The following FAR2 variants were observed in gnomAD, a reference collection of about 807,000 sequenced individuals.
FAR2 encodes epididymis secretory protein Li 81.
In FAR2, 19 loss-of-function variants were observed where a neutral mutation model predicts 56.0. The ratio of observed to expected loss-of-function variants is 0.34; its 90% CI spans 0.24 to 0.50. The LOEUF is 0.50. Ranked by LOEUF, FAR2 falls within the 20% of genes least tolerant of loss-of-function variation. The pLI, the probability that FAR2 is intolerant of heterozygous loss-of-function variation, is 0.98. For missense variants in FAR2, 508 were observed against 642.2 expected (o/e 0.79, Z 2.26); for synonymous variants, 219 against 218.8 (o/e 1.00, Z -0.01).
intron 1 of FAR2, among the ~76,000 whole-genome samples, chr12:29,265,193 A>G (rs1229392313): frequency 2.6e-5 from 4 of 152,232 alleles, no homozygotes; most frequent in Non-Finnish European, 5.9e-5. Context: ...ATTTATATGG[A>G]ACCACAAAAG....
intron 1 of FAR2, among the ~76,000 whole-genome samples, chr12:29,208,233 C>A (rs780571332): frequency 2.0e-5 from 3 of 152,192 alleles, no homozygotes; most frequent in South Asian, 2.1e-4. Context: ...TGCTGCCCTT[C>A]TTCCTCTGAA....
At chr12:29,313,288 C>A (rs1367931119) in intron 8 of FAR2, among the ~76,000 whole-genome samples, 1 of 152,048 alleles carries the variant, frequency 6.6e-6, no homozygotes, top group African/African-American at 2.4e-5. Flanking sequence ...TTTGGTTATG[C>A]ACAGAACCAA....
chr12:29,275,179 C>T (rs946376665), intron 2 of FAR2, among the ~76,000 whole-genome samples: 13 of 151,468 alleles, frequency 8.6e-5, no homozygotes, highest in African/African-American at 3.1e-4. Flanking sequence ...CGAAGGGAGA[C>T]AGGGGTGGGG....
rs1165765896 is a variant in FAR2 at position 29,165,918 on chromosome 12, A to C, written c.-39+16511A>C. On this transcript the variant is annotated intron_variant, in intron 1 of 11. Coordinates refer to ENST00000536681, the MANE Select transcript of FAR2 (RefSeq NM_001271783.2). ...TCCTAGATGTTGTTGTATAGGAAAAACAGGAAGCAAATAAACACCTGGTAA... is the reference window on the plus strand; with the variant it reads ...TCCTAGATGTTGTTGTATAGGAAAACCAGGAAGCAAATAAACACCTGGTAA... Among the ~76,000 whole-genome samples the C allele has an allele frequency of 2.2e-4, 33 of 152,230 alleles. 1 individual carries two copies. The highest frequency in any genetic ancestry group is 2.2e-3 in the Admixed American group (33 of 15,288).
chr12:29,253,286 T>TATCTAGTTAG lies in FAR2; in HGVS notation c.-38-17124_-38-17123insCTAGTTAGAT, dbSNP rs1565489445. ...AGATAGATATCTATATATCGATATC[T>TATCTAGTTAG]ATATCTATCTAGATAGATATCTATA... On this transcript the variant is annotated intron_variant, in intron 1 of 11. Coordinates refer to ENST00000536681, the MANE Select transcript of FAR2 (RefSeq NM_001271783.2). 8.7e-5 allele frequency among the ~76,000 whole-genome samples: 7 copies of TATCTAGTTAG among 80,680 alleles called. 1 individual carries two copies. Among genetic ancestry groups the TATCTAGTTAG allele is most frequent in the African/African-American group, 2.7e-4 (5 of 18,268 alleles). The allele number at this position is 80,680 out of a possible 152,430, so 52.9% of individuals were successfully genotyped here. A position where few individuals can be genotyped will look rare whatever the true frequency, so the allele number is the denominator to read the frequency against.
intron 2 of FAR2, chr12:29,282,473 A>C (rs985503864): frequency 1.3e-5 from 2 of 152,188 alleles, no homozygotes; most frequent in African/African-American, 4.8e-5. Flanking sequence ...CTTATTCCTA[A>C]GTAGGGCCTG....
chr12:29,151,489 C>T (rs994548939), intron 1 of FAR2: 10 of 152,024 alleles, frequency 6.6e-5, no homozygotes, highest in East Asian at 1.9e-4. Flanking sequence ...AAACTGCAAC[C>T]GCACAGGGCC....
intron 3 of FAR2, among the ~76,000 whole-genome samples, chr12:29,293,943 CCT>C (rs1694291503): frequency 6.6e-6 from 1 of 152,008 alleles, no homozygotes; most frequent in African/African-American, 2.4e-5. Flanking sequence ...ATTTTTCACC[CCT>C]TTGTGTGCTC....
chr12:29,199,087 G>A (rs1007941964), intron 1 of FAR2, among the ~76,000 whole-genome samples: 3 of 152,164 alleles, frequency 2.0e-5, no homozygotes, highest in Non-Finnish European at 4.4e-5. Context: ...TGGTTGAGCT[G>A]GGCCTGTTAA....
chr12:29,286,111 T>TTTTGGAAATGGAG (rs774336880), intron 2 of FAR2, among the ~76,000 whole-genome samples: 2 of 151,776 alleles, frequency 1.3e-5, no homozygotes, highest in Non-Finnish European at 2.9e-5. Context: ...ACAACACAGC[T>TTTTGGAAATGGAG]TTCTGATCAG....
chr12:29,288,474 T>C (rs1056762012), intron 2 of FAR2, among the ~76,000 whole-genome samples: 5 of 152,324 alleles, frequency 3.3e-5, no homozygotes, highest in Admixed American at 6.5e-5. Flanking sequence ...TCTTTACTCA[T>C]TTTGATTTCA....
intron 2 of FAR2, among the ~76,000 whole-genome samples, chr12:29,292,639 G>A (rs1285609761): frequency 6.6e-6 from 1 of 152,138 alleles, no homozygotes; most frequent in Non-Finnish European, 1.5e-5. Flanking sequence ...GAGAAATCAT[G>A]TCTCATTTGT....
chr12:29,241,589 G>A (rs1948036238), intron 1 of FAR2, among the ~76,000 whole-genome samples: 1 of 151,946 alleles, frequency 6.6e-6, no homozygotes, highest in Non-Finnish European at 1.5e-5. Flanking sequence ...GTTTTTTGCA[G>A]ACTTTATCAC....
intron 1 of FAR2, among the ~76,000 whole-genome samples, chr12:29,174,220 G>A (rs1949914285): frequency 6.6e-6 from 1 of 152,020 alleles, no homozygotes; most frequent in Admixed American, 6.5e-5. Flanking sequence ...TGTTAGGCCT[G>A]CTAGTCTGAG....
chr12:29,264,674 AGGAGGAGAG>A (rs372223951), intron 1 of FAR2, among the ~76,000 whole-genome samples: 48,453 of 148,640 alleles, frequency 0.33, 8,162 homozygotes, highest in Non-Finnish European at 0.37. Flanking sequence ...AGAGAGAGAG[AGGAGGAGAG>A]GGAGAGGGAG....
chr12:29,303,027 T>C (rs1475892569), intron 4 of FAR2, among the ~76,000 whole-genome samples: 2 of 152,230 alleles, frequency 1.3e-5, no homozygotes, highest in Non-Finnish European at 2.9e-5. Flanking sequence ...TAAAATTCAA[T>C]TCTGTTGAAA....
Position 29,321,688 on chromosome 12 carries a change from G to T in FAR2, c.1128-107G>T, listed in dbSNP as rs1286263996. 1.1e-5 allele frequency: 14 copies of T among 1,306,572 alleles called. No individual in the cohort carries two copies. In the East Asian group the frequency reaches 3.3e-4, roughly 31 times the overall value. The allele number at this position is 1,306,572 out of a possible 1,614,324, so 80.9% of individuals were successfully genotyped here. A position where few individuals can be genotyped will look rare whatever the true frequency, so the allele number is the denominator to read the frequency against. ...AGAAGAATTTTAATGAGGAGTGGTA[G>T]ACAGGGATAATTTTTGTATTTTCTT... is the stretch of plus-strand genomic sequence containing the variant. On this transcript the variant is annotated intron_variant, in intron 9 of 11. Transcript: ENST00000536681.
At chr12:29,174,423 CTTTTTTTTT>C (rs55827253) in intron 1 of FAR2, among the ~76,000 whole-genome samples, 6 of 55,434 alleles carry the variant, frequency 1.1e-4, no homozygotes, top group East Asian at 6.9e-4. Context: ...GGTTTTTATT[CTTTTTTTTT>C]TTTTTTTTTT....
At chr12:29,200,401 A>G (rs558233989) in intron 1 of FAR2, among the ~76,000 whole-genome samples, 2 of 152,322 alleles carry the variant, frequency 1.3e-5, no homozygotes, top group South Asian at 2.1e-4. Context: ...CAAAGCCGAA[A>G]GAGTGGCACG....
Sources: allele counts gnomAD v4.1 joint callset (sites outside exome capture counted in the v4.1 genomes callset), GRCh38; gene constraint gnomAD v4.1.1; transcripts MANE v1.5; gene names NCBI Gene and HGNC (gene_info 2026-07-23, HGNC 2026-07-21).